Variants in KSR2 observed in about 807,000 individuals in gnomAD.
KSR2 encodes the protein kinase suppressor of ras 2.
Under a neutral mutation model 107.8 loss-of-function variants are expected in KSR2, and 25 were observed. The observed-to-expected ratio is 0.23, with a 90% CI of 0.17 to 0.32. KSR2 has a LOEUF of 0.32. Ranked by LOEUF, KSR2 falls within the 10% of genes least tolerant of loss-of-function variation. KSR2 has a pLI of 1.00. For synonymous variants in KSR2, 480 were observed against 507.0 expected, an observed-to-expected ratio of 0.95 and a Z score of 0.71; for missense variants, 887 against 1,268.9, an observed-to-expected ratio of 0.70 and a Z score of 4.57.
chr12:117,896,699 A>C (rs1894522548), intron 1 of KSR2, among the ~76,000 whole-genome samples: 1 of 152,126 alleles, frequency 6.6e-6, no homozygotes, highest in Non-Finnish European at 1.5e-5. Context: ...ACCTCAGGTG[A>C]TCCCTCTGCC....
chr12:117,955,608 C>T (rs909842723), intron 1 of KSR2, among the ~76,000 whole-genome samples: 1 of 152,056 alleles, frequency 6.6e-6, no homozygotes, highest in Non-Finnish European at 1.5e-5. Context: ...GTTATTATTT[C>T]TGAGTCTTGA....
intron 4 of KSR2, among the ~76,000 whole-genome samples, chr12:117,675,676 G>A (rs141627527): frequency 7.2e-5 from 11 of 152,284 alleles, no homozygotes; most frequent in East Asian, 1.9e-4. Context: ...AAACAGAGCC[G>A]CTGGCTCACA....
At chr12:117,745,204 C>T (rs150329309) in intron 4 of KSR2, among the ~76,000 whole-genome samples, 1 of 152,278 alleles carries the variant, frequency 6.6e-6, no homozygotes, top group African/African-American at 2.4e-5. Context: ...TTCTGATTCT[C>T]AGTGTAAATG....
intron 5 of KSR2, among the ~76,000 whole-genome samples, chr12:117,604,032 A>C (rs1359469218): frequency 6.6e-6 from 1 of 152,172 alleles, no homozygotes; most frequent in Non-Finnish European, 1.5e-5. Context: ...TGGGGTTTCC[A>C]TGTCTTCTGC....
chr12:117,749,049 T>C (rs1888516441), intron 4 of KSR2, among the ~76,000 whole-genome samples: 1 of 150,476 alleles, frequency 6.6e-6, no homozygotes, highest in South Asian at 2.1e-4. Context: ...CTGAAGGTTG[T>C]TCCCAAGGAC....
chr12:117,637,662 C>T (rs537078075), intron 5 of KSR2, among the ~76,000 whole-genome samples: 2 of 125,350 alleles, frequency 1.6e-5, no homozygotes, highest in South Asian at 5.7e-4. Flanking sequence ...TGGGACCCAG[C>T]AGTCAGTTTT....
intron 5 of KSR2, among the ~76,000 whole-genome samples, chr12:117,623,546 AAAGG>A: frequency 6.6e-6 from 1 of 152,320 alleles, no homozygotes; most frequent in South Asian, 2.1e-4. Context: ...ATGTCCCTGC[AAAGG>A]ACATGAACTC....
Position 117,761,017 on chromosome 12 carries a change from G to T in KSR2, c.980C>A (p.Thr327Lys). 4 of 1,613,574 alleles carry T rather than the reference G, an allele frequency of 2.5e-6. No individual in the cohort carries two copies. The highest frequency in any genetic ancestry group is 3.3e-5 in the Admixed American group (2 of 60,018). The change falls in exon 4 of 20, where the codon ACG becomes AAG. Residue 327 changes from threonine to lysine, a missense_variant. This residue lies in a region of KSR2 where 399 missense variants were observed against 479.5 expected (regional missense o/e 0.83). Coordinates refer to ENST00000339824, the MANE Select transcript of KSR2 (RefSeq NM_173598.6). ...ACCCACCGATCGCACTCACTTGGGC[G>T]TGTGGGCCTCGTCCACGCGGTGCCC... ...QLGHRVDEAH[T>K]PKAKKKSKPL...
chr12:117,875,142 A>AAAC (rs752651815), intron 1 of KSR2, among the ~76,000 whole-genome samples: 1 of 152,176 alleles, frequency 6.6e-6, no homozygotes, highest in South Asian at 2.1e-4. Context: ...TTAGCAGCAT[A>AAAC]AACAACAACA....
intron 1 of KSR2, among the ~76,000 whole-genome samples, chr12:117,888,387 A>G (rs1894242085): frequency 6.6e-6 from 1 of 152,312 alleles, no homozygotes; most frequent in Middle Eastern, 3.4e-3. Context: ...AGAATTGCCA[A>G]ATTCACAACA....
At chr12:117,575,264 T>C (rs1879208748) in intron 7 of KSR2, among the ~76,000 whole-genome samples, 1 of 152,216 alleles carries the variant, frequency 6.6e-6, no homozygotes. Flanking sequence ...TAACAGGTGC[T>C]CAATAAATAT....
chr12:117,625,703 T>C (rs996329305), intron 5 of KSR2, among the ~76,000 whole-genome samples: 3 of 152,218 alleles, frequency 2.0e-5, no homozygotes, highest in African/African-American at 7.2e-5. Flanking sequence ...GGTATCAGGA[T>C]GATGTTGGCC....
At position 117,749,086 on chromosome 12, in the gene KSR2, C is replaced by T. The variant is rs189117952; in HGVS notation, c.986+11925G>A. ...ACACCAAGCCCCTGACATTTCCAGC[C>T]GGCCCTGCACTCAGATTGAACATGC... On this transcript the variant is annotated intron_variant, in intron 4 of 19. Transcript: ENST00000339824. Among the ~76,000 whole-genome samples the T allele has an allele frequency of 2.1e-3, 287 of 139,076 alleles. 6 individuals carry two copies. The highest frequency in any genetic ancestry group is 4.7e-3 in the African/African-American group (165 of 35,292). 91.2% of individuals were successfully genotyped at this position (139,076 alleles called of 152,430 possible).
intron 5 of KSR2, among the ~76,000 whole-genome samples, chr12:117,631,517 T>C (rs960152615): frequency 3.3e-5 from 5 of 152,238 alleles, no homozygotes; most frequent in Admixed American, 6.5e-5. Flanking sequence ...CTAGGTCTTT[T>C]ATTTCTCCAT....
chr12:117,678,328 G>C (rs1185548277), intron 4 of KSR2, among the ~76,000 whole-genome samples: 1 of 152,026 alleles, frequency 6.6e-6, no homozygotes, highest in East Asian at 1.9e-4. Context: ...TCCCACTCTG[G>C]TGCCAGAAAG....
At position 117,675,375 on chromosome 12, in the gene KSR2, C is replaced by T. The variant is rs566324829; in HGVS notation, c.987-7717G>A. ...TAAAGGAAAGTGACCCAGTCTCCATCTGCAAATCAGGAGGGCTGGTTTAGC... is the reference window on the plus strand; with the variant it reads ...TAAAGGAAAGTGACCCAGTCTCCATTTGCAAATCAGGAGGGCTGGTTTAGC... On this transcript the variant is annotated intron_variant, in intron 4 of 19. Transcript: ENST00000339824. Among the ~76,000 whole-genome samples the T allele has an allele frequency of 2.0e-5, 3 of 152,364 alleles. No individual in the cohort carries two copies. The East Asian group carries it at 5.8e-4, about 29-fold the overall frequency.
chr12:117,959,086 A>G (rs529018776), intron 1 of KSR2, among the ~76,000 whole-genome samples: 3 of 152,348 alleles, frequency 2.0e-5, no homozygotes, highest in African/African-American at 7.2e-5. Flanking sequence ...GAATGTATCT[A>G]AATATCACAC....
intron 7 of KSR2, among the ~76,000 whole-genome samples, chr12:117,567,686 A>G (rs1420668082): frequency 1.3e-5 from 2 of 151,326 alleles, no homozygotes; most frequent in Admixed American, 1.3e-4. Context: ...AAATCACGAA[A>G]CCGAATCCTT....
chr12:117,492,328 C>T (rs1469901252), intron 14 of KSR2, among the ~76,000 whole-genome samples: 1 of 152,242 alleles, frequency 6.6e-6, no homozygotes, highest in Non-Finnish European at 1.5e-5. Context: ...CAGACTGGCT[C>T]ATTCTGCCAA....
Sources: gnomAD v4.1 joint callset for allele counts (sites outside exome capture counted in the v4.1 genomes callset) on GRCh38, gnomAD v4.1.1 for gene constraint, gnomAD v4.1.1 regional missense constraint, MANE v1.5 for transcripts, NCBI Gene and HGNC (gene_info 2026-07-23, HGNC 2026-07-21) for gene names.